The following TNFRSF11A variants were observed in gnomAD, a reference collection of about 807,000 sequenced individuals.
The protein encoded by TNFRSF11A is TNF receptor superfamily member 11a.
In TNFRSF11A, 32 loss-of-function variants were observed where a neutral mutation model predicts 55.7. The ratio of observed to expected loss-of-function variants is 0.57; its 90% CI spans 0.43 to 0.77. The LOEUF (loss-of-function observed/expected upper bound fraction) is 0.77, where lower values mean the gene tolerates loss of function less well. Among genes scored for constraint, TNFRSF11A ranks in the 30% least tolerant of loss-of-function variants. TNFRSF11A has a pLI of 0.00. For synonymous variants in TNFRSF11A, 311 were observed against 331.0 expected (o/e 0.94, Z 0.65); for missense variants, 753 against 809.8 (o/e 0.93, Z 0.85).
chr18:62,361,422 A>G (rs8083511), intron 6 of TNFRSF11A, among the ~76,000 whole-genome samples: 2 of 151,918 alleles, frequency 1.3e-5, no homozygotes, highest in Admixed American at 6.6e-5. Flanking sequence ...AGCTGTTCTA[A>G]GGTAGAAACA....
rs1911973855 is a variant in TNFRSF11A, at chr18:62,391,086, T to A, written c.*6052T>A. On this transcript the variant is annotated 3_prime_UTR_variant, in exon 10 of 10. Coordinates refer to ENST00000586569, the MANE Select transcript of TNFRSF11A (RefSeq NM_003839.4). Reference sequence around the variant, plus strand: ...CTTCCCATAGTTTCACCTTTTCCAATTTGTCGTGTAGAGTTACACAGCTCA... The same window carrying A: ...CTTCCCATAGTTTCACCTTTTCCAAATTGTCGTGTAGAGTTACACAGCTCA... 1 of 152,242 alleles carries A rather than the reference T, an allele frequency of 6.6e-6. No individual in the cohort carries two copies. Among genetic ancestry groups the A allele is most frequent in the African/African-American group, 2.4e-5 (1 of 41,472 alleles). The allele number at this position is 152,242 out of a possible 1,614,324, so 9.4% of individuals were successfully genotyped here.
At chr18:62,354,651 C>A in intron 4 of TNFRSF11A, 117 bp downstream of exon 4, 1 of 1,461,896 alleles carries the variant, frequency 6.8e-7, no homozygotes, top group South Asian at 1.2e-5. Flanking sequence ...ATTGGAGGAA[C>A]CTGAGGGATG....
chr18:62,356,872 C>A (rs1198938526), intron 4 of TNFRSF11A, among the ~76,000 whole-genome samples: 1 of 152,164 alleles, frequency 6.6e-6, no homozygotes, highest in African/African-American at 2.4e-5. Context: ...ATGCTTCTGG[C>A]AGGTCAGTGT....
intron 8 of TNFRSF11A, among the ~76,000 whole-genome samples, chr18:62,367,788 C>CTTTTTTTTTTT (rs67721371): frequency 4.7e-4 from 37 of 78,672 alleles, no homozygotes; most frequent in South Asian, 1.0e-3. Context: ...TCTTCTTCTT[C>CTTTTTTTTTTT]TTTTTTTTTT....
intron 9 of TNFRSF11A, among the ~76,000 whole-genome samples, chr18:62,381,492 G>A (rs1163647886): frequency 4.6e-5 from 7 of 152,178 alleles, no homozygotes; most frequent in Non-Finnish European, 1.0e-4. Context: ...AGATGAGAAC[G>A]AATTCAAAAC....
Position 62,385,357 on chromosome 18 carries a change from T to G in TNFRSF11A, c.*323T>G. ...ATCCTGTTCTGTGGGGGGGGGGGTC[T>G]GTTTTCCCCCCATATTTGTATTCCT... On this transcript the variant is annotated 3_prime_UTR_variant, in exon 10 of 10. Transcript: ENST00000586569. The G allele has an allele frequency of 5.6e-6, 1 of 179,288 alleles. No individual in the cohort carries two copies. The highest frequency in any genetic ancestry group is 1.1e-5 in the Non-Finnish European group (1 of 91,618). The allele number at this position is 179,288 out of a possible 1,614,324, so 11.1% of individuals were successfully genotyped here.
intron 7 of TNFRSF11A, among the ~76,000 whole-genome samples, chr18:62,366,379 G>A (rs71352573): frequency 0.12 from 18,311 of 152,172 alleles, 1,572 homozygotes; most frequent in Non-Finnish European, 0.18. Flanking sequence ...GATGTGGGTC[G>A]GAGGATACAA....
chr18:62,341,813 G>A (rs957401587), intron 1 of TNFRSF11A, among the ~76,000 whole-genome samples: 2 of 147,070 alleles, frequency 1.4e-5, no homozygotes, highest in Admixed American at 6.7e-5. Context: ...TTGTACAGGT[G>A]AGGAGACTCA....
intron 9 of TNFRSF11A, among the ~76,000 whole-genome samples, chr18:62,375,278 C>T (rs1211124823): frequency 6.6e-6 from 1 of 151,946 alleles, no homozygotes; most frequent in Admixed American, 6.6e-5. Context: ...TGCACTCCAG[C>T]CTGAGCGATT....
chr18:62,382,796 ATGTTTGTT>A lies in TNFRSF11A; in HGVS notation c.1568-1938_1568-1931del, dbSNP rs200980336. Among the ~76,000 whole-genome samples, 95 of 142,886 alleles carry A rather than the reference ATGTTTGTT, an allele frequency of 6.6e-4. 2 individuals are homozygous for A. In the South Asian group the frequency reaches 0.015, roughly 22 times the overall value. The allele number at this position is 142,886 out of a possible 152,430, so 93.7% of individuals were successfully genotyped here. ...GTGGTGATTGTTTCATTTTGTTTGT[ATGTTTGTT>A]TGTTTGTTTGTTTGTTAACTTTTAT... On this transcript the variant is annotated intron_variant, in intron 9 of 9. Coordinates refer to ENST00000586569, the MANE Select transcript of TNFRSF11A (RefSeq NM_003839.4).
At position 62,384,751 on chromosome 18, in the gene TNFRSF11A, G is replaced by A. The variant is rs150973326; in HGVS notation, c.1568G>A (p.Gly523Glu). Reference sequence around the variant, plus strand: ...GTGTTCTCCCTTCCTCTCCCCGCAGGAAATGTGACTGGAAACAGTAACTCC... The same window carrying A: ...GTGTTCTCCCTTCCTCTCCCCGCAGAAAATGTGACTGGAAACAGTAACTCC... ...SSPGGQSPASGNVTGNSNSTF... is the reference protein window; with the variant it reads ...SSPGGQSPASENVTGNSNSTF... Residue 523 changes from glycine to glutamate, a missense_variant and splice_region_variant, in exon 10 of 10, where the codon GGA becomes GAA. This residue lies in a region of TNFRSF11A where 567 missense variants were observed against 596.7 expected (regional missense o/e 0.95). Transcript: ENST00000586569. 3.7e-6 allele frequency: 6 copies of A among 1,611,782 alleles called. No individual in the cohort carries two copies. Among genetic ancestry groups the A allele is most frequent in the Non-Finnish European group, 5.1e-6 (6 of 1,179,004 alleles).
chr18:62,325,459 G>A lies in TNFRSF11A; in HGVS notation c.75+32G>A. The A allele has an allele frequency of 8.1e-7, 1 of 1,228,736 alleles. No individual in the cohort carries two copies. 76.1% of individuals were successfully genotyped at this position (1,228,736 alleles called of 1,614,324 possible). A position where few individuals can be genotyped will look rare whatever the true frequency, so the allele number is the denominator to read the frequency against. On this transcript the variant is annotated intron_variant, in intron 1 of 9. Transcript: ENST00000586569. This position sits in a 1 kb window ranked among gnomAD's most constrained non-coding sequence, Gnocchi z 4.7. ...AGCGCCCGCGCCTGCCGGGCCGCGC[G>A]GCCCGACGCCTCCTCGGGAGCCCCG...
chr18:62,378,179 A>G (rs1326853525), intron 9 of TNFRSF11A: 2 of 152,244 alleles, frequency 1.3e-5, no homozygotes, highest in East Asian at 3.8e-4. Context: ...GCAATACAGA[A>G]AGCAAATGTT....
chr18:62,358,025 G>A lies in TNFRSF11A; in HGVS notation c.428-223G>A, dbSNP rs905719329. 9.8e-5 allele frequency: 54 copies of A among 551,658 alleles called. No individual in the cohort carries two copies. In the Admixed American group the frequency reaches 1.3e-3, roughly 13 times the overall value. The allele number at this position is 551,658 out of a possible 1,614,324, so 34.2% of individuals were successfully genotyped here. On this transcript the variant is annotated intron_variant, in intron 4 of 9. Coordinates refer to ENST00000586569, the MANE Select transcript of TNFRSF11A (RefSeq NM_003839.4). Reference sequence around the variant, plus strand: ...TCAAGTCAGTTACCTTTCTGAGCGTGGTTCCATAACTCACTGCTGGGGTCA... The same window carrying A: ...TCAAGTCAGTTACCTTTCTGAGCGTAGTTCCATAACTCACTGCTGGGGTCA...
chr18:62,362,490 C>CAAAAAAAAAA (rs57219485), intron 7 of TNFRSF11A, among the ~76,000 whole-genome samples: 1 of 75,872 alleles, frequency 1.3e-5, no homozygotes, highest in Non-Finnish European at 2.4e-5. Flanking sequence ...AACTTCATCT[C>CAAAAAAAAAA]AAAAAAAAAA....
At chr18:62,343,398 G>A (rs2046340779) in intron 1 of TNFRSF11A, among the ~76,000 whole-genome samples, 1 of 151,978 alleles carries the variant, frequency 6.6e-6, no homozygotes, top group South Asian at 2.1e-4. Flanking sequence ...ACTACAATTG[G>A]GTTAACAGCA....
chr18:62,342,423 A>AAAAAAAAAAAAAAAC (rs1363359947), intron 1 of TNFRSF11A, among the ~76,000 whole-genome samples: 1 of 149,454 alleles, frequency 6.7e-6, no homozygotes, highest in Non-Finnish European at 1.5e-5. Flanking sequence ...AAAAAAAAAA[A>AAAAAAAAAAAAAAAC]AATCCTATAT....
At chr18:62,373,474 A>G (rs559249715) in intron 9 of TNFRSF11A, among the ~76,000 whole-genome samples, 7 of 152,172 alleles carry the variant, frequency 4.6e-5, no homozygotes, top group African/African-American at 1.7e-4. Flanking sequence ...GAAAGAAAAG[A>G]AAAAAGGGAA....
At chr18:62,335,129 A>AT (rs11289576) in intron 1 of TNFRSF11A, among the ~76,000 whole-genome samples, 4,008 of 140,754 alleles carry the variant, frequency 0.028, 124 homozygotes, top group East Asian at 0.14. Context: ...TGGGGTCGGA[A>AT]TTTTTTTTTT....
Sources: gnomAD v4.1 joint callset for allele counts (sites outside exome capture counted in the v4.1 genomes callset) on GRCh38, gnomAD v4.1.1 for gene constraint, gnomAD v4.1.1 regional missense constraint, Gnocchi (gnomAD v3.1) non-coding constraint, MANE v1.5 for transcripts, NCBI Gene and HGNC (gene_info 2026-07-23, HGNC 2026-07-21) for gene names.